The following SFXN1 variants were observed in gnomAD, a reference collection of about 807,000 sequenced individuals.
SFXN1 encodes sideroflexin-1.
In SFXN1, 32 loss-of-function variants were observed where a neutral mutation model predicts 39.5. That is an observed-to-expected ratio of 0.81 (90% CI 0.61 to 1.09). The LOEUF (loss-of-function observed/expected upper bound fraction) is 1.09. Among genes scored for constraint, SFXN1 ranks in the 50% least tolerant of loss-of-function variants. SFXN1 has a pLI of 0.00. For missense variants in SFXN1, 402 were observed against 407.1 expected (o/e 0.99, Z 0.11); for synonymous variants, 136 against 146.5 (o/e 0.93, Z 0.52).
intron 1 of SFXN1, among the ~76,000 whole-genome samples, chr5:175,490,712 C>G (rs2113276222): frequency 6.6e-6 from 1 of 152,258 alleles, no homozygotes; most frequent in East Asian, 1.9e-4. Context: ...GAGGAAATCA[C>G]TAGCTGTAAG....
At chr5:175,514,680 G>T (rs1287326803) in intron 7 of SFXN1, among the ~76,000 whole-genome samples, 1 of 152,170 alleles carries the variant, frequency 6.6e-6, no homozygotes, top group East Asian at 1.9e-4. Flanking sequence ...AGCAGGCAAG[G>T]AAGAGCAGGC....
chr5:175,510,108 G>A lies in SFXN1; in HGVS notation c.336-1G>A. ...GTATGTGACGGATGCCTCTGTTTTA[G>A]GACTACGCCGGCTGTGCTGTTCTGG... On this transcript the variant is annotated splice_acceptor_variant, in intron 3 of 10. Transcript: ENST00000321442. LOFTEE classifies it high-confidence loss of function. 6.2e-7 allele frequency: 1 copy of A among 1,609,556 alleles called. No homozygotes were observed. Among genetic ancestry groups the A allele is most frequent in the Non-Finnish European group, 8.5e-7 (1 of 1,177,742 alleles).
intron 2 of SFXN1, among the ~76,000 whole-genome samples, chr5:175,495,635 A>C (rs554874115): frequency 1.3e-5 from 2 of 151,866 alleles, no homozygotes; most frequent in African/African-American, 4.8e-5. Context: ...AGGCTGAGGC[A>C]GGAGAATCAC....
chr5:175,518,963 A>G (rs920234416), intron 8 of SFXN1, among the ~76,000 whole-genome samples: 4 of 152,206 alleles, frequency 2.6e-5, no homozygotes, highest in African/African-American at 9.6e-5. Flanking sequence ...AAGAAACAGC[A>G]TGGGGAAAAA....
intron 7 of SFXN1, chr5:175,513,827 G>GC: frequency 2.5e-6 from 1 of 396,224 alleles, no homozygotes; most frequent in Non-Finnish European, 4.8e-6. Flanking sequence ...CTGGGTGGAG[G>GC]TGTGGGAGTG....
At chr5:175,495,768 G>A (rs1393283062) in intron 2 of SFXN1, among the ~76,000 whole-genome samples, 1 of 150,798 alleles carries the variant, frequency 6.6e-6, no homozygotes, top group Non-Finnish European at 1.5e-5. Context: ...TTTATGTTAC[G>A]AATCTTTTAC....
chr5:175,517,065 C>T (rs1760733974), intron 8 of SFXN1, among the ~76,000 whole-genome samples: 1 of 152,206 alleles, frequency 6.6e-6, no homozygotes, highest in African/African-American at 2.4e-5. Context: ...CCTCTCATCT[C>T]AGTGACAAAC....
intron 2 of SFXN1, among the ~76,000 whole-genome samples, chr5:175,499,449 C>G (rs773452136): frequency 6.6e-6 from 1 of 152,048 alleles, no homozygotes; most frequent in African/African-American, 2.4e-5. Context: ...CAAATCTACC[C>G]GGAAAGGGCA....
intron 1 of SFXN1, among the ~76,000 whole-genome samples, chr5:175,482,528 C>G (rs1759289444): frequency 6.6e-6 from 1 of 152,130 alleles, no homozygotes; most frequent in Admixed American, 6.6e-5. Context: ...AGCTCAGGAG[C>G]CATTCCTGGC....
At chr5:175,483,679 C>A (rs573628002) in intron 1 of SFXN1, 2 of 152,244 alleles carry the variant, frequency 1.3e-5, no homozygotes, top group South Asian at 4.1e-4. Flanking sequence ...TTTCTGCAGT[C>A]CTGAAGCCAG....
intron 7 of SFXN1, 111 bp downstream of exon 7, chr5:175,513,701 C>T: frequency 8.4e-7 from 1 of 1,186,248 alleles, no homozygotes; most frequent in Non-Finnish European, 1.2e-6. Context: ...AAATTGCCTT[C>T]CACTGGGGGT....
At chr5:175,485,954 T>G (rs1272901132) in intron 1 of SFXN1, among the ~76,000 whole-genome samples, 1 of 152,244 alleles carries the variant, frequency 6.6e-6, no homozygotes, top group Non-Finnish European at 1.5e-5. Flanking sequence ...GAATATTCTC[T>G]GATGTGGCAA....
intron 10 of SFXN1, chr5:175,524,121 AAAAAAT>A (rs1418936331): frequency 5.7e-5 from 2 of 35,346 alleles, no homozygotes; most frequent in Non-Finnish European, 9.0e-5. Flanking sequence ...AAAAAAAAAA[AAAAAAT>A]ATATATATAT....
intron 2 of SFXN1, among the ~76,000 whole-genome samples, chr5:175,504,052 G>GA (rs1244708768): frequency 6.8e-6 from 1 of 146,546 alleles, no homozygotes; most frequent in Admixed American, 6.8e-5. Context: ...AGAAAGAAAA[G>GA]AGGGGGGTGG....
intron 6 of SFXN1, among the ~76,000 whole-genome samples, chr5:175,512,870 C>T (rs1760570787): frequency 6.6e-6 from 1 of 152,154 alleles, no homozygotes; most frequent in Admixed American, 6.5e-5. Context: ...TGCACATGAG[C>T]ATAGATTGAA....
chr5:175,493,686 A>G (rs1759747291), intron 2 of SFXN1, among the ~76,000 whole-genome samples: 1 of 152,242 alleles, frequency 6.6e-6, no homozygotes, highest in South Asian at 2.1e-4. Flanking sequence ...GTACAAATGT[A>G]ATTGAAATTG....
At chr5:175,523,090 A>T (rs1247218046) in intron 10 of SFXN1, 1 of 152,210 alleles carries the variant, frequency 6.6e-6, no homozygotes, top group Non-Finnish European at 1.5e-5. Flanking sequence ...GGTCCCGAAC[A>T]TATGGTCTTT....
intron 2 of SFXN1, among the ~76,000 whole-genome samples, chr5:175,495,958 T>C (rs184982971): frequency 1.4e-5 from 2 of 147,490 alleles, no homozygotes; most frequent in Non-Finnish European, 3.0e-5. Context: ...TGGAGTGTAG[T>C]GGCGCAATCT....
Position 175,521,957 on chromosome 5 carries a change from A to G in SFXN1, c.813A>G (p.Leu271=). The change falls in exon 9 of 11, where the codon TTA becomes TTG. Residue 271 remains leucine (L), a synonymous_variant. Transcript: ENST00000321442. ...PWMSAPIQVG[L]VGFCLVFATP... ...TGAGTGCACCCATTCAAGTTGGGTTAGTTGGCTTCTGGTGAGTAGAAATTA... is the reference window on the plus strand; with the variant it reads ...TGAGTGCACCCATTCAAGTTGGGTTGGTTGGCTTCTGGTGAGTAGAAATTA... 1 of 1,604,062 alleles carries G rather than the reference A, an allele frequency of 6.2e-7. No homozygotes were observed. Among genetic ancestry groups the G allele is most frequent in the South Asian group, 1.1e-5 (1 of 89,170 alleles).
Sources: gnomAD v4.1 joint callset for allele counts (sites outside exome capture counted in the v4.1 genomes callset) on GRCh38, gnomAD v4.1.1 for gene constraint, MANE v1.5 for transcripts, NCBI Gene and HGNC (gene_info 2026-07-23, HGNC 2026-07-21) for gene names.